PTPRN2: variants seen among roughly 807,000 people sequenced by gnomAD.
PTPRN2 encodes protein tyrosine phosphatase receptor type N2, also known as receptor-type tyrosine-protein phosphatase N2.
PTPRN2 carries 74 observed loss-of-function variants against 118.8 expected under a neutral mutation model. The observed-to-expected ratio is 0.62, with a 90% CI of 0.52 to 0.76. The LOEUF is 0.76. Ranked by LOEUF, PTPRN2 falls within the 30% of genes least tolerant of loss-of-function variation. The probability of loss-of-function intolerance (pLI) is 0.00; values close to 1 mark genes in which losing one functional copy is unlikely to be tolerated. For synonymous variants in PTPRN2, 641 were observed against 608.0 expected, an observed-to-expected ratio of 1.05 and a Z score of -0.80; for missense variants, 1,481 against 1,394.4, an observed-to-expected ratio of 1.06 and a Z score of -0.99.
At chr7:158,333,553 C>A (rs547124148) in intron 2 of PTPRN2, among the ~76,000 whole-genome samples, 204 of 149,648 alleles carry the variant, frequency 1.4e-3, no homozygotes, top group Middle Eastern at 6.8e-3. Context: ...CACTCACACC[C>A]ACACTCTCAC....
chr7:158,537,512 TCC>T (rs1481926776), intron 1 of PTPRN2: 1 of 152,254 alleles, frequency 6.6e-6, no homozygotes, highest in Non-Finnish European at 1.5e-5. Context: ...AAGCTCCAGC[TCC>T]CTCTGCCATT....
chr7:158,137,186 A>T (rs979891036), intron 7 of PTPRN2, among the ~76,000 whole-genome samples: 1 of 152,170 alleles, frequency 6.6e-6, no homozygotes, highest in East Asian at 1.9e-4. Context: ...TGGGAGGCCA[A>T]GGTGGGCGGA....
intron 2 of PTPRN2, among the ~76,000 whole-genome samples, chr7:158,380,412 G>A (rs1013405995): frequency 6.6e-6 from 1 of 152,200 alleles, no homozygotes; most frequent in African/African-American, 2.4e-5. Context: ...CCCCACGCAA[G>A]TCTGAAATCT....
intron 12 of PTPRN2, among the ~76,000 whole-genome samples, chr7:157,807,186 A>G (rs1000154620): frequency 3.3e-5 from 5 of 152,206 alleles, no homozygotes; most frequent in Admixed American, 3.3e-4. Flanking sequence ...CCGAGAACAC[A>G]TATGTTCCCA....
chr7:157,732,202 C>A (rs1245363954), intron 12 of PTPRN2, among the ~76,000 whole-genome samples: 22 of 86,674 alleles, frequency 2.5e-4, no homozygotes, highest in Non-Finnish European at 3.7e-4. Context: ...CCGCCCCACG[C>A]GCCCAGCACA....
chr7:157,636,110 T>C (rs1804303018), intron 14 of PTPRN2, among the ~76,000 whole-genome samples: 1 of 152,220 alleles, frequency 6.6e-6, no homozygotes, highest in South Asian at 2.1e-4. Flanking sequence ...CCCCTTTCAT[T>C]TAAAACTCTG....
intron 13 of PTPRN2, among the ~76,000 whole-genome samples, chr7:157,677,858 C>T (rs1796741885): frequency 6.6e-6 from 1 of 152,212 alleles, no homozygotes; most frequent in Admixed American, 6.5e-5. Context: ...CCTAGTTAGT[C>T]CAGGGAAGTT....
chr7:158,211,331 A>G (rs374807080), intron 3 of PTPRN2, among the ~76,000 whole-genome samples: 1 of 152,230 alleles, frequency 6.6e-6, no homozygotes, highest in Admixed American at 6.5e-5. Context: ...CTCCACAAGC[A>G]CAGGCAACCA....
chr7:157,817,140 T>G (rs930903473), intron 12 of PTPRN2, among the ~76,000 whole-genome samples: 1 of 152,216 alleles, frequency 6.6e-6, no homozygotes, highest in Non-Finnish European at 1.5e-5. Flanking sequence ...CTCCCCAGGC[T>G]GCTTACGCGT....
intron 17 of PTPRN2, among the ~76,000 whole-genome samples, chr7:157,594,273 G>A (rs1338344403): frequency 2.6e-5 from 4 of 152,366 alleles, no homozygotes; most frequent in Admixed American, 6.5e-5. Flanking sequence ...GGGAAGTAAA[G>A]GGAATAGGAA....
chr7:158,414,766 T>G (rs1370398866), intron 2 of PTPRN2, among the ~76,000 whole-genome samples: 2 of 152,090 alleles, frequency 1.3e-5, no homozygotes, highest in Non-Finnish European at 2.9e-5. Flanking sequence ...GTGTTGAAAG[T>G]GGGGGAGGGG....
At chr7:158,336,574 T>G (rs28384268) in intron 2 of PTPRN2, among the ~76,000 whole-genome samples, 2 of 136,310 alleles carry the variant, frequency 1.5e-5, no homozygotes, top group East Asian at 2.3e-4. Context: ...CCATAAGAGT[T>G]GACACCTGCA....
intron 3 of PTPRN2, among the ~76,000 whole-genome samples, chr7:158,273,241 T>A (rs1033756433): frequency 6.6e-6 from 1 of 152,182 alleles, no homozygotes; most frequent in African/African-American, 2.4e-5. Context: ...GCGTGTGCTG[T>A]TTCTCTGTCT....
At chr7:157,993,840 T>C (rs1201908781) in intron 11 of PTPRN2, among the ~76,000 whole-genome samples, 1 of 152,116 alleles carries the variant, frequency 6.6e-6, no homozygotes, top group East Asian at 1.9e-4. Context: ...GGCCCAGAGC[T>C]GGACGATCTC....
chr7:158,051,677 G>A (rs1360028826), intron 11 of PTPRN2, among the ~76,000 whole-genome samples: 1 of 152,220 alleles, frequency 6.6e-6, no homozygotes. Context: ...TGATTACAAA[G>A]TGTCTCAGCT....
rs147538032 is a variant in PTPRN2 at position 157,999,616 on chromosome 7, G to A, written c.1723+81682C>T. ...TGAGGCCTCCAGGAAACCTGTCATC[G>A]GGAGACTCGTCCACACGACGAGACC... On this transcript the variant is annotated intron_variant, in intron 11 of 22. Transcript: ENST00000389418. Among the ~76,000 whole-genome samples the A allele has an allele frequency of 7.6e-4, 116 of 152,208 alleles. 1 individual carries two copies. The highest frequency in any genetic ancestry group is 2.6e-3 in the African/African-American group (110 of 41,528).
At chr7:158,038,112 A>G (rs1284778800) in intron 11 of PTPRN2, among the ~76,000 whole-genome samples, 2 of 152,228 alleles carry the variant, frequency 1.3e-5, no homozygotes, top group African/African-American at 4.8e-5. Context: ...CACACTTTGT[A>G]TATGTTATAC....
At chr7:157,623,558 C>T (rs1263561) in intron 14 of PTPRN2, among the ~76,000 whole-genome samples, 46,828 of 152,050 alleles carry the variant, frequency 0.31, 7,588 homozygotes, top group African/African-American at 0.39. Flanking sequence ...TATCTTAATT[C>T]GTATAAACTA....
intron 17 of PTPRN2, among the ~76,000 whole-genome samples, chr7:157,588,949 A>C (rs1353029016): frequency 1.3e-5 from 2 of 152,040 alleles, no homozygotes; most frequent in Non-Finnish European, 2.9e-5. Context: ...TCTCTATTTT[A>C]ATTGTAGTAA....
Sources: gnomAD v4.1 joint callset for allele counts (sites outside exome capture counted in the v4.1 genomes callset) on GRCh38, gnomAD v4.1.1 for gene constraint, MANE v1.5 for transcripts, NCBI Gene and HGNC (gene_info 2026-07-23, HGNC 2026-07-21) for gene names.